Variants in DOCK3 observed in about 807,000 individuals in gnomAD.
The protein encoded by DOCK3 is dedicator of cytokinesis protein 3.
DOCK3 carries 60 observed loss-of-function variants against 265.6 expected under a neutral mutation model. The observed-to-expected ratio is 0.23, with a 90% CI of 0.18 to 0.28. The LOEUF is 0.28. DOCK3 is among the 10% of genes least tolerant of loss of function. The pLI is 1.00. For missense variants in DOCK3, 1,981 were observed against 2,594.3 expected (o/e 0.76, Z 5.14); for synonymous variants, 881 against 938.0 (o/e 0.94, Z 1.11).
intron 2 of DOCK3, among the ~76,000 whole-genome samples, chr3:50,816,415 G>A (rs1460114077): frequency 2.0e-5 from 3 of 149,040 alleles, no homozygotes; most frequent in East Asian, 2.0e-4. Flanking sequence ...TCTGCCTCCC[G>A]GGTTCAAGTG....
chr3:51,064,455 A>G lies in DOCK3; in HGVS notation c.323A>G (p.Lys108Arg), dbSNP rs769133925. 3 of 1,613,898 alleles carry G rather than the reference A, an allele frequency of 1.9e-6. No homozygotes were observed. Among genetic ancestry groups the G allele is most frequent in the Non-Finnish European group, 1.7e-6 (2 of 1,179,818 alleles). The change falls in exon 6 of 53, where the codon AAA (lysine) becomes AGA (arginine). Residue 108 changes from lysine (K) to arginine (R), a missense_variant. Physicochemically the swap from Lys to Arg is conservative, Grantham distance 26. Around this residue, in one of 4 missense-constraint regions of DOCK3, gnomAD observed 456 missense variants for 539.0 expected, o/e 0.85. Coordinates refer to ENST00000266037, the MANE Select transcript of DOCK3 (RefSeq NM_004947.5). ...SLWKQLYVKH[K>R]VDLFYKLRHV... ...CCAAAAATGCCCTTTCAGAAACACA[A>G]AGTAGATCTTTTCTACAAACTACGC... is the stretch of plus-strand genomic sequence containing the variant.
chr3:50,865,718 G>T (rs964769522), intron 3 of DOCK3, among the ~76,000 whole-genome samples: 1 of 152,152 alleles, frequency 6.6e-6, no homozygotes, highest in Non-Finnish European at 1.5e-5. Flanking sequence ...GTTGTTGGAG[G>T]AACCTCCAAA....
chr3:50,782,289 A>ATTATTTTT (rs2041953628), intron 2 of DOCK3, among the ~76,000 whole-genome samples: 1 of 110,044 alleles, frequency 9.1e-6, no homozygotes, highest in East Asian at 3.1e-4. Flanking sequence ...AGTACCTGTT[A>ATTATTTTT]TTTTTTTTTT....
chr3:51,164,517 G>A (rs2086287893), intron 12 of DOCK3, among the ~76,000 whole-genome samples: 1 of 151,676 alleles, frequency 6.6e-6, no homozygotes, highest in African/African-American at 2.4e-5. Flanking sequence ...CAGCTACTTG[G>A]GAAGGCCGAG....
At chr3:51,240,357 G>A (rs138216667) in intron 21 of DOCK3, among the ~76,000 whole-genome samples, 74 of 152,340 alleles carry the variant, frequency 4.9e-4, no homozygotes, top group African/African-American at 1.8e-3. Context: ...TCCCAATTAT[G>A]TGGTCAATTT....
At chr3:50,845,568 G>A (rs980975951) in intron 3 of DOCK3, among the ~76,000 whole-genome samples, 1 of 152,108 alleles carries the variant, frequency 6.6e-6, no homozygotes, top group Non-Finnish European at 1.5e-5. Context: ...GGCAGGAAAG[G>A]CAGATTGGAC....
chr3:51,029,314 A>C (rs1209255213), intron 5 of DOCK3, among the ~76,000 whole-genome samples: 3 of 152,200 alleles, frequency 2.0e-5, no homozygotes, highest in Admixed American at 6.5e-5. Context: ...GCCAGCAGGT[A>C]GGCTTTTACT....
intron 27 of DOCK3, among the ~76,000 whole-genome samples, chr3:51,285,520 T>G (rs2081356516): frequency 6.6e-6 from 1 of 151,534 alleles, no homozygotes; most frequent in Non-Finnish European, 1.5e-5. Flanking sequence ...TACTCTAAAC[T>G]GAAAATTTCA....
chr3:51,003,823 G>T (rs1301420854), intron 5 of DOCK3, among the ~76,000 whole-genome samples: 1 of 152,136 alleles, frequency 6.6e-6, no homozygotes, highest in Non-Finnish European at 1.5e-5. Flanking sequence ...TTTTGTCCAG[G>T]TGTTGGTGAA....
chr3:50,907,582 C>T (rs1290605445), intron 4 of DOCK3, among the ~76,000 whole-genome samples: 1 of 151,774 alleles, frequency 6.6e-6, no homozygotes, highest in East Asian at 1.9e-4. Flanking sequence ...CAACCCCTGC[C>T]TTTTTTTGTT....
intron 9 of DOCK3, among the ~76,000 whole-genome samples, chr3:51,119,163 GT>G (rs2083901175): frequency 2.0e-5 from 3 of 152,100 alleles, no homozygotes; most frequent in Admixed American, 1.3e-4. Flanking sequence ...GGCCTGGGTA[GT>G]GACACAATCC....
chr3:50,787,821 TTCC>T, intron 2 of DOCK3: 2 of 1,108,572 alleles, frequency 1.8e-6, no homozygotes, highest in Non-Finnish European at 2.7e-6. Context: ...CCTCTCTCTC[TTCC>T]TCCTCATTGT....
At chr3:51,098,466 C>T (rs1350398931) in intron 9 of DOCK3, among the ~76,000 whole-genome samples, 1 of 152,146 alleles carries the variant, frequency 6.6e-6, no homozygotes, top group Non-Finnish European at 1.5e-5. Flanking sequence ...GAGGGCTCTC[C>T]CTGAGAGTCA....
At chr3:50,809,317 G>C (rs1359011564) in intron 2 of DOCK3, among the ~76,000 whole-genome samples, 1 of 152,132 alleles carries the variant, frequency 6.6e-6, no homozygotes, top group African/African-American at 2.4e-5. Context: ...AAAAACATAT[G>C]GAAAGGTGCT....
At chr3:51,363,963 T>G (rs2086936956) in intron 49 of DOCK3, among the ~76,000 whole-genome samples, 1 of 152,212 alleles carries the variant, frequency 6.6e-6, no homozygotes, top group Non-Finnish European at 1.5e-5. Flanking sequence ...GCATGTGTCT[T>G]TATAGTAGCA....
At chr3:50,847,677 A>G (rs138140298) in intron 3 of DOCK3, among the ~76,000 whole-genome samples, 1 of 152,176 alleles carries the variant, frequency 6.6e-6, no homozygotes, top group East Asian at 1.9e-4. Context: ...TGTGGCCAGG[A>G]GTTCAAGACT....
chr3:50,788,106 C>T (rs2042280095), intron 2 of DOCK3: 2 of 759,862 alleles, frequency 2.6e-6, no homozygotes, highest in Non-Finnish European at 4.3e-6. Flanking sequence ...TCCACAAACA[C>T]AGAATAAGGA....
intron 12 of DOCK3, among the ~76,000 whole-genome samples, chr3:51,185,986 T>C: frequency 6.6e-6 from 1 of 152,040 alleles, no homozygotes; most frequent in East Asian, 1.9e-4. Flanking sequence ...ATACAATAAA[T>C]TGGTACCAGT....
At chr3:50,683,076 A>G (rs1195685708) in intron 1 of DOCK3, among the ~76,000 whole-genome samples, 1 of 152,168 alleles carries the variant, frequency 6.6e-6, no homozygotes, top group Non-Finnish European at 1.5e-5. Flanking sequence ...CATTTTTATT[A>G]ATGTGGTATA....
Sources: gnomAD v4.1 joint callset for allele counts (sites outside exome capture counted in the v4.1 genomes callset) on GRCh38, gnomAD v4.1.1 for gene constraint, gnomAD v4.1.1 regional missense constraint, MANE v1.5 for transcripts, NCBI Gene and HGNC (gene_info 2026-07-23, HGNC 2026-07-21) for gene names.